RPSA2: variants seen among roughly 807,000 people sequenced by gnomAD.
RPSA2 encodes the protein ribosomal protein SA 2, also known as small ribosomal subunit protein uS2B.
At chr19:23,774,204 C>T in the RPSA2 span, among the ~76,000 whole-genome samples, 4 of 152,188 alleles carry the variant, frequency 2.6e-5, no homozygotes, top group African/African-American at 9.7e-5. Flanking sequence ...GGGCCCCACA[C>T]CCAGGTTATG....
the RPSA2 span, among the ~76,000 whole-genome samples, chr19:23,847,835 A>G: frequency 1.4e-3 from 207 of 152,290 alleles, no homozygotes; most frequent in African/African-American, 4.3e-3. Flanking sequence ...TTCTTTTCCC[A>G]GAGTATTAAT....
the RPSA2 span, among the ~76,000 whole-genome samples, chr19:23,829,131 T>G: frequency 3.3e-5 from 5 of 152,358 alleles, no homozygotes; most frequent in African/African-American, 1.2e-4. Context: ...CTTATTTGAT[T>G]AATGTTTGCA....
the RPSA2 span, among the ~76,000 whole-genome samples, chr19:23,805,653 AGAG>A: frequency 2.6e-5 from 4 of 152,186 alleles, no homozygotes; most frequent in East Asian, 5.8e-4. Flanking sequence ...AAATAATTCT[AGAG>A]GAGGAGGAGA....
chr19:23,836,558 G>A, the RPSA2 span, among the ~76,000 whole-genome samples: 1 of 152,184 alleles, frequency 6.6e-6, no homozygotes, highest in Non-Finnish European at 1.5e-5. Flanking sequence ...TGGATCAAAT[G>A]ATAATTCTGC....
At chr19:23,812,807 GACAA>G in the RPSA2 span, among the ~76,000 whole-genome samples, 1 of 152,124 alleles carries the variant, frequency 6.6e-6, no homozygotes, top group African/African-American at 2.4e-5. Flanking sequence ...CTTTGTGTGA[GACAA>G]ACACTTTGTG....
At chr19:23,870,047 T>C in the RPSA2 span, among the ~76,000 whole-genome samples, 1 of 152,234 alleles carries the variant, frequency 6.6e-6, no homozygotes. Flanking sequence ...ATTCCTGGGC[T>C]ATGGATTCTC....
At chr19:23,786,542 A>T in the RPSA2 span, among the ~76,000 whole-genome samples, 8 of 152,322 alleles carry the variant, frequency 5.3e-5, no homozygotes, top group South Asian at 8.3e-4. Context: ...ATGTTGTGCC[A>T]TATTGGGGCT....
chr19:23,823,450 G>A, the RPSA2 span, among the ~76,000 whole-genome samples: 1 of 152,128 alleles, frequency 6.6e-6, no homozygotes, highest in Non-Finnish European at 1.5e-5. Flanking sequence ...TTCTCTCAGA[G>A]CGCACAGTCT....
chr19:23,802,670 A>G, the RPSA2 span, among the ~76,000 whole-genome samples: 1 of 144,288 alleles, frequency 6.9e-6, no homozygotes, highest in Non-Finnish European at 1.5e-5. Context: ...AGTGAAAAAC[A>G]AGGAGGAGGT....
the RPSA2 span, among the ~76,000 whole-genome samples, chr19:23,804,177 G>T: frequency 6.6e-6 from 1 of 152,114 alleles, no homozygotes; most frequent in Non-Finnish European, 1.5e-5. Flanking sequence ...ACTTTAAAGA[G>T]CCAGGAAATA....
the RPSA2 span, among the ~76,000 whole-genome samples, chr19:23,851,797 C>A: frequency 6.6e-6 from 1 of 152,174 alleles, no homozygotes; most frequent in Non-Finnish European, 1.5e-5. Context: ...AAGGACCACC[C>A]AATAAGTCAT....
chr19:23,857,485 C>CTTTTTTT, the RPSA2 span, among the ~76,000 whole-genome samples: 51 of 95,246 alleles, frequency 5.4e-4, no homozygotes, highest in Middle Eastern at 8.3e-3. Flanking sequence ...TTTTTAAAGT[C>CTTTTTTT]TTTTTTTTTT....
At chr19:23,813,204 G>A in the RPSA2 span, among the ~76,000 whole-genome samples, 1 of 137,278 alleles carries the variant, frequency 7.3e-6, no homozygotes, top group African/African-American at 2.8e-5. Flanking sequence ...ACGCACTCAA[G>A]CTTGGGTGAC....
chr19:23,811,186 T>G, the RPSA2 span, among the ~76,000 whole-genome samples: 1 of 151,822 alleles, frequency 6.6e-6, no homozygotes, highest in African/African-American at 2.4e-5. Context: ...CCAGCTAAAT[T>G]TTGTGTTTTT....
the RPSA2 span, chr19:23,819,269 G>A: frequency 1.4e-4 from 22 of 152,194 alleles, no homozygotes; most frequent in Admixed American, 1.2e-3. Context: ...CTTCCACCGT[G>A]TGTAGACTGG....
the RPSA2 span, among the ~76,000 whole-genome samples, chr19:23,866,513 G>GTCCCCCC: frequency 3.5e-5 from 5 of 142,282 alleles, no homozygotes; most frequent in South Asian, 2.3e-4. Flanking sequence ...ACAATGTGGT[G>GTCCCCCC]CCCCCCCCCG....
At chr19:23,832,136 A>C in the RPSA2 span, 3 of 423,702 alleles carry the variant, frequency 7.1e-6, no homozygotes, top group South Asian at 5.6e-5. Flanking sequence ...GAAAAACTTT[A>C]CAGATGTGAA....
chr19:23,852,966 A>G, the RPSA2 span, among the ~76,000 whole-genome samples: 1 of 152,228 alleles, frequency 6.6e-6, no homozygotes, highest in South Asian at 2.1e-4. Context: ...CGGCTCAAAA[A>G]TTGATAACAG....
At chr19:23,840,986 A>G in the RPSA2 span, among the ~76,000 whole-genome samples, 2 of 141,710 alleles carry the variant, frequency 1.4e-5, no homozygotes, top group Admixed American at 1.4e-4. Context: ...AAAAAAAAAA[A>G]GACAAAACAT....
Sources: gnomAD v4.1 joint callset for allele counts (sites outside exome capture counted in the v4.1 genomes callset) on GRCh38, gnomAD v4.1.1 for gene constraint, MANE v1.5 for transcripts, NCBI Gene and HGNC (gene_info 2026-07-23, HGNC 2026-07-21) for gene names.